ZNF714: variants seen among roughly 807,000 people sequenced by gnomAD.
The protein encoded by ZNF714 is zinc finger protein 714.
Under a neutral mutation model 46.2 loss-of-function variants are expected in ZNF714, and 32 were observed. The observed-to-expected ratio is 0.69, with a 90% CI of 0.52 to 0.93. The LOEUF is 0.93. ZNF714 is among the 40% of genes least tolerant of loss of function. The pLI, the probability that ZNF714 is intolerant of heterozygous loss-of-function variation, is 0.00. For missense variants in ZNF714, 635 were observed against 646.3 expected (o/e 0.98, Z 0.19); for synonymous variants, 199 against 213.1 (o/e 0.93, Z 0.58).
At chr19:21,107,542 G>A (rs979035726) in intron 4 of ZNF714, among the ~76,000 whole-genome samples, 2 of 139,714 alleles carry the variant, frequency 1.4e-5, no homozygotes, top group East Asian at 1.9e-4. Context: ...CCCAGCCATA[G>A]ACAAGATTTC....
chr19:21,123,591 G>C lies in ZNF714; in HGVS notation c.*5259G>C, dbSNP rs1173044788. 6.6e-6 allele frequency among the ~76,000 whole-genome samples: 1 copy of C among 151,994 alleles called. No homozygotes were observed. Among genetic ancestry groups the C allele is most frequent in the Non-Finnish European group, 1.5e-5 (1 of 67,950 alleles). ...AGGATGGTCTCAATCTCCTGACCTCGTGATCCGCCCGCCTCGACCTCCCAA... is the reference window on the plus strand; with the variant it reads ...AGGATGGTCTCAATCTCCTGACCTCCTGATCCGCCCGCCTCGACCTCCCAA... On this transcript the variant is annotated 3_prime_UTR_variant, in exon 5 of 5. Coordinates refer to ENST00000456283, the MANE Select transcript of ZNF714 (RefSeq NM_182515.4).
rs1969651792 is a variant in ZNF714 at position 21,118,366 on chromosome 19, C to T, written c.*34C>T. 6.9e-6 allele frequency: 4 copies of T among 581,490 alleles called. No individual in the cohort carries two copies. The highest frequency in any genetic ancestry group is 4.9e-4 in the Middle Eastern group (1 of 2,056). The allele number at this position is 581,490 out of a possible 1,614,324, so 36.0% of individuals were successfully genotyped here. On this transcript the variant is annotated 3_prime_UTR_variant, in exon 5 of 5. Transcript: ENST00000456283. Reference sequence around the variant, plus strand: ...ACTTGGGAGGCAGAGGCAGGAGAATCATTTGAACCTGGGAGGCAGAGGTTG... The same window carrying T: ...ACTTGGGAGGCAGAGGCAGGAGAATTATTTGAACCTGGGAGGCAGAGGTTG...
chr19:21,115,469 TA>T (rs1177184351), intron 4 of ZNF714, among the ~76,000 whole-genome samples: 5 of 152,168 alleles, frequency 3.3e-5, no homozygotes, highest in African/African-American at 4.8e-5. Flanking sequence ...GAAGTGCCAA[TA>T]TTTTTTTTCA....
chr19:21,100,557 T>C (rs1011668983), intron 4 of ZNF714, among the ~76,000 whole-genome samples: 14 of 152,160 alleles, frequency 9.2e-5, no homozygotes, highest in African/African-American at 3.1e-4. Context: ...ATTTTTTACC[T>C]TCTTGGTTAA....
rs1969674348 is a variant in ZNF714 at position 21,119,652 on chromosome 19, T to A, written c.*1320T>A. 6.6e-6 allele frequency: 1 copy of A among 152,182 alleles called. No homozygotes were observed. The highest frequency in any genetic ancestry group is 2.4e-5 in the African/African-American group (1 of 41,414). 9.4% of individuals were successfully genotyped at this position (152,182 alleles called of 1,614,324 possible). A position where few individuals can be genotyped will look rare whatever the true frequency, so the allele number is the denominator to read the frequency against. On this transcript the variant is annotated 3_prime_UTR_variant, in exon 5 of 5. Transcript: ENST00000456283. ...AAAAACTACAGCTTAGAAAACAGAG[T>A]TCATACTAGAATATATTTTTGCAGA...
chr19:21,089,659 A>T (rs979803444), intron 2 of ZNF714, among the ~76,000 whole-genome samples: 1 of 152,348 alleles, frequency 6.6e-6, no homozygotes, highest in South Asian at 2.1e-4. Flanking sequence ...CATCCTGAAC[A>T]GCAGCCTTAA....
intron 2 of ZNF714, among the ~76,000 whole-genome samples, chr19:21,097,819 T>A (rs1353356957): frequency 6.6e-6 from 1 of 152,074 alleles, no homozygotes; most frequent in Non-Finnish European, 1.5e-5. Flanking sequence ...TCCAGTTTAT[T>A]GTACATATTT....
intron 2 of ZNF714, among the ~76,000 whole-genome samples, chr19:21,089,825 A>G (rs1040214758): frequency 1.6e-5 from 2 of 125,996 alleles, no homozygotes; most frequent in Admixed American, 8.9e-5. Flanking sequence ...TACATAGGAG[A>G]TAAACAGTAA....
intron 4 of ZNF714, among the ~76,000 whole-genome samples, chr19:21,100,977 G>A (rs1167147369): frequency 6.6e-6 from 1 of 152,086 alleles, no homozygotes; most frequent in Admixed American, 6.6e-5. Context: ...CAAAAGTGCT[G>A]GGATTACAGG....
rs1969756674 is a variant in ZNF714 at position 21,124,246 on chromosome 19, C to A, written c.*5914C>A. 1 of 152,140 alleles carries A rather than the reference C, an allele frequency of 6.6e-6. No individual in the cohort carries two copies. The highest frequency in any genetic ancestry group is 2.1e-4 in the South Asian group (1 of 4,828). The allele number at this position is 152,140 out of a possible 1,614,324, so 9.4% of individuals were successfully genotyped here. A position where few individuals can be genotyped will look rare whatever the true frequency, so the allele number is the denominator to read the frequency against. The stretch of plus-strand genomic sequence containing the variant: ...TGATACTATTTAGCCAAGATTACCA[C>A]AAAGATACAGTATTTGACACATTCT... On this transcript the variant is annotated 3_prime_UTR_variant, in exon 5 of 5. Coordinates refer to ENST00000456283, the MANE Select transcript of ZNF714 (RefSeq NM_182515.4).
intron 4 of ZNF714, among the ~76,000 whole-genome samples, chr19:21,112,475 C>G (rs1474695090): frequency 6.6e-6 from 1 of 150,724 alleles, no homozygotes; most frequent in Non-Finnish European, 1.5e-5. Flanking sequence ...TCATTCATCT[C>G]TCTTTATAGC....
Position 21,118,808 on chromosome 19 carries a change from G to T in ZNF714, c.*476G>T. ...ACCTCAAACTTTTCTAACCATAAAA[G>T]AAATTATACTGGTGAGAAATCTTAG... is the stretch of plus-strand genomic sequence containing the variant. On this transcript the variant is annotated 3_prime_UTR_variant, in exon 5 of 5. Coordinates refer to ENST00000456283, the MANE Select transcript of ZNF714 (RefSeq NM_182515.4). The T allele has an allele frequency of 5.2e-6, 1 of 191,124 alleles. No homozygotes were observed. The highest frequency in any genetic ancestry group is 1.8e-4 in the East Asian group (1 of 5,486). 11.8% of individuals were successfully genotyped at this position (191,124 alleles called of 1,614,324 possible). A position where few individuals can be genotyped will look rare whatever the true frequency, so the allele number is the denominator to read the frequency against.
At chr19:21,110,362 T>C (rs1030309590) in intron 4 of ZNF714, among the ~76,000 whole-genome samples, 3 of 152,254 alleles carry the variant, frequency 2.0e-5, no homozygotes, top group African/African-American at 7.2e-5. Flanking sequence ...TTGAGCTTTT[T>C]TTCATGTTTT....
chr19:21,112,453 T>G (rs968232637), intron 4 of ZNF714, among the ~76,000 whole-genome samples: 19 of 152,118 alleles, frequency 1.2e-4, no homozygotes, highest in African/African-American at 2.7e-4. Context: ...TTATCATTTT[T>G]TATTGTCTAT....
chr19:21,103,255 T>C (rs759601343), intron 4 of ZNF714, among the ~76,000 whole-genome samples: 3 of 151,984 alleles, frequency 2.0e-5, no homozygotes, highest in Non-Finnish European at 4.4e-5. Flanking sequence ...AAGTAATTGT[T>C]GTAAAAACAC....
chr19:21,097,846 A>G lies in ZNF714; in HGVS notation c.-84-339A>G, dbSNP rs1303401373. On this transcript the variant is annotated intron_variant, in intron 2 of 4. Coordinates refer to ENST00000456283, the MANE Select transcript of ZNF714 (RefSeq NM_182515.4). ...TACATATTTAAATTTGAGAGGTACC[A>G]TCTAACTCAACATGTCTTTTTTTGT... 3.9e-5 allele frequency among the ~76,000 whole-genome samples: 6 copies of G among 152,018 alleles called. No homozygotes were observed. The East Asian group carries it at 1.2e-3, about 29-fold the overall frequency.
At chr19:21,101,488 T>G (rs1424295915) in intron 4 of ZNF714, among the ~76,000 whole-genome samples, 2 of 152,200 alleles carry the variant, frequency 1.3e-5, no homozygotes, top group African/African-American at 4.8e-5. Context: ...GGGCAGTGTC[T>G]GCAGTTGGCT....
intron 2 of ZNF714, among the ~76,000 whole-genome samples, chr19:21,097,898 A>G (rs909407908): frequency 6.6e-6 from 1 of 152,134 alleles, no homozygotes; most frequent in African/African-American, 2.4e-5. Context: ...ACTCATTATG[A>G]TGTAAATATA....
At chr19:21,098,750 A>G (rs1969099706) in intron 3 of ZNF714, 62 bp from the exon 4 acceptor site, 1 of 1,071,768 alleles carries the variant, frequency 9.3e-7, no homozygotes, top group South Asian at 1.8e-5. Context: ...TTTACTGAGC[A>G]CAGTACTAGG....
Sources: allele counts gnomAD v4.1 joint callset (sites outside exome capture counted in the v4.1 genomes callset), GRCh38; gene constraint gnomAD v4.1.1; transcripts MANE v1.5; gene names NCBI Gene and HGNC (gene_info 2026-07-23, HGNC 2026-07-21).